CLIP3: variants seen among roughly 807,000 people sequenced by gnomAD.
CLIP3 encodes CAP-Gly domain containing linker protein 3, also known as CAP-Gly domain-containing linker protein 3.
In CLIP3, 15 loss-of-function variants were observed where a neutral mutation model predicts 59.4. That is an observed-to-expected ratio of 0.25 (90% CI 0.17 to 0.39). CLIP3 has a LOEUF of 0.39. Among genes scored for constraint, CLIP3 ranks in the 10% least tolerant of loss-of-function variants. The pLI is 1.00. For synonymous variants in CLIP3, 300 were observed against 321.6 expected, an observed-to-expected ratio of 0.93 and a Z score of 0.72; for missense variants, 495 against 765.7, an observed-to-expected ratio of 0.65 and a Z score of 4.17.
chr19:36,020,884 C>T (rs928816169), intron 7 of CLIP3, among the ~76,000 whole-genome samples: 9 of 152,052 alleles, frequency 5.9e-5, no homozygotes, highest in African/African-American at 2.2e-4. Context: ...GACAGGGTCT[C>T]ACTCTGTGGC....
Position 36,016,827 on chromosome 19 carries a change from C to T in CLIP3, c.1589+80G>A. ...CTCTTTCCAGCCCTGACCAGAGCTC[C>T]AGACCTCTGGGTCCAACTGCCTTAT... On this transcript the variant is annotated intron_variant, in intron 13 of 13. Transcript: ENST00000360535. The surrounding 1 kb of genome is among the most constrained non-coding windows in gnomAD (Gnocchi z 4.1). 2 of 1,437,914 alleles carry T rather than the reference C, an allele frequency of 1.4e-6. No homozygotes were observed. Among genetic ancestry groups the T allele is most frequent in the East Asian group, 2.4e-5 (1 of 41,962 alleles). The allele number at this position is 1,437,914 out of a possible 1,614,324, so 89.1% of individuals were successfully genotyped here. A position where few individuals can be genotyped will look rare whatever the true frequency, so the allele number is the denominator to read the frequency against.
chr19:36,018,017 G>A (rs766557080), intron 9 of CLIP3, 26 bp from the exon 10 acceptor site: 32 of 1,612,406 alleles, frequency 2.0e-5, no homozygotes, highest in Non-Finnish European at 2.6e-5. Flanking sequence ...GTAGGAGGTG[G>A]GTAGTGGGGC....
intron 2 of CLIP3, among the ~76,000 whole-genome samples, chr19:36,027,775 C>T (rs981399968): frequency 1.3e-5 from 2 of 152,242 alleles, no homozygotes; most frequent in East Asian, 3.8e-4. Flanking sequence ...TGGTTCACAT[C>T]TGTAATCCCA....
At position 36,014,665 on chromosome 19, in the gene CLIP3, T is replaced by C. The variant is rs2145380344; in HGVS notation, c.*1493A>G. 2.4e-5 allele frequency: 6 copies of C among 254,424 alleles called. No homozygotes were observed. Among genetic ancestry groups the C allele is most frequent in the South Asian group, 2.0e-4 (5 of 24,924 alleles). The allele number at this position is 254,424 out of a possible 1,614,324, so 15.8% of individuals were successfully genotyped here. ...CCAATGACCCGACACAGAGAGGCCA[T>C]AGAAACGTCTTTATTGAAGAGGACA... On this transcript the variant is annotated 3_prime_UTR_variant, in exon 14 of 14. Coordinates refer to ENST00000360535, the MANE Select transcript of CLIP3 (RefSeq NM_015526.3).
At chr19:36,028,335 A>G (rs1445902273) in intron 2 of CLIP3, among the ~76,000 whole-genome samples, 1 of 152,172 alleles carries the variant, frequency 6.6e-6, no homozygotes, top group Non-Finnish European at 1.5e-5. Flanking sequence ...GTGAGACTCC[A>G]TCTCAAAAAA....
At chr19:36,031,855 T>A (rs1969274898) in intron 2 of CLIP3, among the ~76,000 whole-genome samples, 1 of 152,210 alleles carries the variant, frequency 6.6e-6, no homozygotes, top group Non-Finnish European at 1.5e-5. Context: ...TACTGAGGCC[T>A]GTGAGTTGTC....
Position 36,026,275 on chromosome 19 carries a change from G to A in CLIP3, c.563-10C>T, listed in dbSNP as rs773462211. The A allele has an allele frequency of 1.2e-6, 2 of 1,604,682 alleles. No individual in the cohort carries two copies. Among genetic ancestry groups the A allele is most frequent in the Non-Finnish European group, 1.7e-6 (2 of 1,172,544 alleles). ...CACGTGGAGTTCACCACTGGAAGTGGGCAAGAGGAGGGGTTCCGGGTGAGC... is the reference window on the plus strand; with the variant it reads ...CACGTGGAGTTCACCACTGGAAGTGAGCAAGAGGAGGGGTTCCGGGTGAGC... On this transcript the variant is annotated splice_polypyrimidine_tract_variant and intron_variant, in intron 5 of 13. Transcript: ENST00000360535. The surrounding 1 kb of genome is among the most constrained non-coding windows in gnomAD (Gnocchi z 6.3).
chr19:36,022,648 G>T (rs1300846554), intron 7 of CLIP3, among the ~76,000 whole-genome samples: 1 of 152,198 alleles, frequency 6.6e-6, no homozygotes, highest in Non-Finnish European at 1.5e-5. Flanking sequence ...GGGGCCGGGC[G>T]CAGTGGCTTA....
intron 2 of CLIP3, among the ~76,000 whole-genome samples, chr19:36,030,918 G>A (rs7251912): frequency 3.3e-5 from 5 of 151,842 alleles, no homozygotes; most frequent in Non-Finnish European, 5.9e-5. Flanking sequence ...CTCAGAAAGA[G>A]CAGCCCTGAC....
chr19:36,023,202 G>A (rs1203145878), intron 7 of CLIP3, among the ~76,000 whole-genome samples: 1 of 152,192 alleles, frequency 6.6e-6, no homozygotes, highest in African/African-American at 2.4e-5. Context: ...TCGTGCCACT[G>A]CACTCTGGCC....
In CLIP3 at chr19:36,026,933, G is replaced by A. The variant is rs1195883548; in HGVS notation, c.400+19C>T. 2.0e-6 allele frequency: 3 copies of A among 1,528,626 alleles called. No homozygotes were observed. Among genetic ancestry groups the A allele is most frequent in the East Asian group, 2.3e-5 (1 of 44,164 alleles). The allele number at this position is 1,528,626 out of a possible 1,614,324, so 94.7% of individuals were successfully genotyped here. Reference sequence around the variant, plus strand: ...GCCTAGGCTTTGGGGCTTATGACTTGGGGGTAGGGGGCCCTCACCGACTCC... The same window carrying A: ...GCCTAGGCTTTGGGGCTTATGACTTAGGGGTAGGGGGCCCTCACCGACTCC... On this transcript the variant is annotated intron_variant, in intron 4 of 13. Coordinates refer to ENST00000360535, the MANE Select transcript of CLIP3 (RefSeq NM_015526.3). The surrounding 1 kb of genome is among the most constrained non-coding windows in gnomAD (Gnocchi z 6.3).
intron 2 of CLIP3, among the ~76,000 whole-genome samples, chr19:36,028,568 C>G (rs866532068): frequency 3.3e-5 from 5 of 152,312 alleles, no homozygotes; most frequent in Non-Finnish European, 1.5e-5. Context: ...AGATTATACA[C>G]AGCCCAGGGA....
rs111612948 is a variant in CLIP3, at chr19:36,017,084, C to T, written c.1517-105G>A. The T allele has an allele frequency of 1.1e-4, 134 of 1,172,402 alleles. No homozygotes were observed. In the African/African-American group the frequency reaches 1.9e-3, roughly 17 times the overall value. 72.6% of individuals were successfully genotyped at this position (1,172,402 alleles called of 1,614,324 possible). On this transcript the variant is annotated intron_variant, in intron 12 of 13. Transcript: ENST00000360535. ...TAATACCTCCCCATGTCTCCAGTCC[C>T]CACCTGGATCCTACATTCCCAATAC...
At position 36,019,598 on chromosome 19, in the gene CLIP3, A is replaced by ATT. The variant is rs200645934; in HGVS notation, c.919-294_919-293dup. On this transcript the variant is annotated intron_variant, in intron 7 of 13. Transcript: ENST00000360535. ...ACAATGTAAATTTATTTATTTATTT[A>ATT]TTTTATTTATTTTTTTTTTTTTCGA... is the stretch of plus-strand genomic sequence containing the variant. Among the ~76,000 whole-genome samples, 68 of 99,390 alleles carry ATT rather than the reference A, an allele frequency of 6.8e-4. 1 individual carries two copies. Among genetic ancestry groups the ATT allele is most frequent in the East Asian group, 3.2e-3 (11 of 3,464 alleles). The allele number at this position is 99,390 out of a possible 152,430, so 65.2% of individuals were successfully genotyped here. A position where few individuals can be genotyped will look rare whatever the true frequency, so the allele number is the denominator to read the frequency against.
At chr19:36,025,195 G>A (rs1262130093) in intron 6 of CLIP3, among the ~76,000 whole-genome samples, 1 of 152,156 alleles carries the variant, frequency 6.6e-6, no homozygotes. Context: ...AGGCAGTAGG[G>A]ATGAGGGCCA....
intron 11 of CLIP3, 74 bp from the exon 12 acceptor site, chr19:36,017,524 G>T: frequency 1.3e-6 from 2 of 1,599,740 alleles, no homozygotes; most frequent in South Asian, 1.1e-5. Context: ...GGGCCCCAGG[G>T]ATCTATGAGG....
chr19:36,025,956 C>T (rs1969093071), intron 6 of CLIP3, among the ~76,000 whole-genome samples, 191 bp downstream of exon 6: 1 of 152,216 alleles, frequency 6.6e-6, no homozygotes, highest in African/African-American at 2.4e-5. Flanking sequence ...CATTGTAAAA[C>T]AAGGCTTATA....
In CLIP3 at chr19:36,028,995, TC is replaced by T. The variant is rs1337985473; in HGVS notation, c.167-1725del. 1.7e-3 allele frequency among the ~76,000 whole-genome samples: 202 copies of T among 120,664 alleles called. 3 individuals are homozygous for T. The highest frequency in any genetic ancestry group is 0.016 in the South Asian group (54 of 3,288). 79.2% of individuals were successfully genotyped at this position (120,664 alleles called of 152,430 possible). A position where few individuals can be genotyped will look rare whatever the true frequency, so the allele number is the denominator to read the frequency against. The stretch of plus-strand genomic sequence containing the variant: ...GCACCCGCCCTTCTCCATCTCCTAC[TC>T]TTTTTTTTTTTTTTTTTTTTTTTTT... On this transcript the variant is annotated intron_variant, in intron 2 of 13. Transcript: ENST00000360535.
chr19:36,021,444 C>T (rs989350548), intron 7 of CLIP3, among the ~76,000 whole-genome samples: 2 of 151,970 alleles, frequency 1.3e-5, no homozygotes, highest in African/African-American at 4.8e-5. Flanking sequence ...GCCACCATGC[C>T]TGATTAATTT....
Sources: allele counts gnomAD v4.1 joint callset (sites outside exome capture counted in the v4.1 genomes callset), GRCh38; gene constraint gnomAD v4.1.1; non-coding constraint Gnocchi (gnomAD v3.1); transcripts MANE v1.5; gene names NCBI Gene and HGNC (gene_info 2026-07-23, HGNC 2026-07-21).